The following CNTNAP5 variants were observed in gnomAD, a reference collection of about 807,000 sequenced individuals.
CNTNAP5 encodes the protein contactin associated protein family member 5, also known as contactin-associated protein-like 5.
Under a neutral mutation model 150.2 loss-of-function variants are expected in CNTNAP5, and 72 were observed. The ratio of observed to expected loss-of-function variants is 0.48; its 90% confidence interval spans 0.40 to 0.58. The LOEUF (loss-of-function observed/expected upper bound fraction) is 0.58. CNTNAP5 is among the 20% of genes least tolerant of loss of function. The pLI is 0.00. For missense variants in CNTNAP5, 1,636 were observed against 1,626.2 expected (o/e 1.01, Z -0.10); for synonymous variants, 672 against 619.8 (o/e 1.08, Z -1.25).
intron 1 of CNTNAP5, among the ~76,000 whole-genome samples, chr2:124,035,984 G>T (rs1414181778): frequency 7.1e-6 from 1 of 141,018 alleles, no homozygotes; most frequent in African/African-American, 2.7e-5. Flanking sequence ...GACTGCAGTG[G>T]CGCAATCTCG....
Position 124,165,065 on chromosome 2 carries a change from A to G in CNTNAP5, c.83-56640A>G, listed in dbSNP as rs1002407855. Among the ~76,000 whole-genome samples, 11 of 152,164 alleles carry G rather than the reference A, an allele frequency of 7.2e-5. 1 individual carries two copies. The highest frequency in any genetic ancestry group is 6.5e-4 in the Admixed American group (10 of 15,270). ...TGACTTAATGTCTGTGTACATGTGG[A>G]TAAAGAGCTTGATCTCAACTGTGAA... On this transcript the variant is annotated intron_variant, in intron 1 of 23. Coordinates refer to ENST00000682447, the MANE Select transcript of CNTNAP5 (RefSeq NM_001367498.1).
chr2:124,140,338 G>A (rs936050000), intron 1 of CNTNAP5, among the ~76,000 whole-genome samples: 16 of 151,852 alleles, frequency 1.1e-4, no homozygotes, highest in Admixed American at 2.6e-4. Flanking sequence ...TGGGGGCAGG[G>A]CACAGTCAAA....
chr2:124,446,445 A>T (rs545693541), intron 5 of CNTNAP5, among the ~76,000 whole-genome samples: 1 of 152,218 alleles, frequency 6.6e-6, no homozygotes, highest in South Asian at 2.1e-4. Context: ...TCTTTCTAAA[A>T]ACAAAATCCC....
At chr2:124,614,837 G>T (rs1164308598) in intron 12 of CNTNAP5, among the ~76,000 whole-genome samples, 1 of 152,072 alleles carries the variant, frequency 6.6e-6, no homozygotes, top group Non-Finnish European at 1.5e-5. Flanking sequence ...ACCTCCTGAG[G>T]ATGCAGCCCA....
chr2:124,716,002 A>T (rs1905207), intron 13 of CNTNAP5, among the ~76,000 whole-genome samples: 24,730 of 152,154 alleles, frequency 0.16, 2,277 homozygotes, highest in East Asian at 0.24. Context: ...CTACTGAGGT[A>T]TATGTTTACA....
chr2:124,263,090 A>C (rs1296567244), intron 3 of CNTNAP5, among the ~76,000 whole-genome samples: 1 of 152,232 alleles, frequency 6.6e-6, no homozygotes, highest in East Asian at 1.9e-4. Flanking sequence ...TGCTATTGTG[A>C]ATAGTGCCAC....
intron 1 of CNTNAP5, among the ~76,000 whole-genome samples, chr2:124,074,492 A>G (rs960840345): frequency 4.6e-5 from 7 of 151,948 alleles, no homozygotes; most frequent in Admixed American, 2.6e-4. Flanking sequence ...CACAAAAATT[A>G]AAAAACCATT....
intron 10 of CNTNAP5, among the ~76,000 whole-genome samples, chr2:124,543,310 T>TA (rs35714087): frequency 8.6e-4 from 129 of 149,638 alleles, no homozygotes; most frequent in Middle Eastern, 3.4e-3. Flanking sequence ...TCTTGTGCCT[T>TA]AAAAAAAAAA....
chr2:124,493,244 C>T (rs1694071803), intron 7 of CNTNAP5, among the ~76,000 whole-genome samples: 1 of 151,890 alleles, frequency 6.6e-6, no homozygotes, highest in Non-Finnish European at 1.5e-5. Flanking sequence ...AGATTTTTAT[C>T]CTTAATTCCT....
intron 1 of CNTNAP5, among the ~76,000 whole-genome samples, chr2:124,101,307 T>G: frequency 6.6e-6 from 1 of 152,212 alleles, no homozygotes; most frequent in East Asian, 1.9e-4. Context: ...TTCTGCAAGT[T>G]TGTCTTCTGC....
At position 124,593,908 on chromosome 2, in the gene CNTNAP5, G is replaced by A. The variant is rs1238003515; in HGVS notation, c.1757-15893G>A. On this transcript the variant is annotated intron_variant, in intron 11 of 23. Coordinates refer to ENST00000682447, the MANE Select transcript of CNTNAP5 (RefSeq NM_001367498.1). ...CCAGTGATGATGAGCATTTTTTCAT[G>A]TGTTTTTTGGCTGCATAAATGTCTT... Among the ~76,000 whole-genome samples the A allele has an allele frequency of 2.4e-5, 2 of 83,232 alleles. 1 individual carries two copies. The highest frequency in any genetic ancestry group is 4.7e-5 in the Non-Finnish European group (2 of 42,560). 54.6% of individuals were successfully genotyped at this position (83,232 alleles called of 152,430 possible).
intron 11 of CNTNAP5, among the ~76,000 whole-genome samples, chr2:124,576,962 G>A (rs1404692874): frequency 1.3e-5 from 2 of 152,166 alleles, no homozygotes; most frequent in Non-Finnish European, 1.5e-5. Context: ...TGATTTCTAT[G>A]TTTGGAAGGG....
intron 1 of CNTNAP5, among the ~76,000 whole-genome samples, chr2:124,157,795 C>T (rs956562219): frequency 1.3e-5 from 2 of 152,158 alleles, no homozygotes; most frequent in African/African-American, 2.4e-5. Context: ...TTCCACCCAA[C>T]TGTGTGCTCA....
intron 1 of CNTNAP5, among the ~76,000 whole-genome samples, chr2:124,155,977 G>A (rs78620234): frequency 0.014 from 2,172 of 152,316 alleles, 24 homozygotes; most frequent in African/African-American, 0.029. Flanking sequence ...GATAATGTGC[G>A]TGGCCAGCCA....
intron 7 of CNTNAP5, among the ~76,000 whole-genome samples, chr2:124,491,807 C>T (rs1338950024): frequency 6.6e-6 from 1 of 151,516 alleles, no homozygotes; most frequent in Non-Finnish European, 1.5e-5. Flanking sequence ...GAGATGGTAC[C>T]TATTGTGGTT....
At chr2:124,881,748 T>A (rs897386987) in intron 21 of CNTNAP5, among the ~76,000 whole-genome samples, 4 of 152,088 alleles carry the variant, frequency 2.6e-5, no homozygotes, top group Non-Finnish European at 1.5e-5. Context: ...TTCTTATCTG[T>A]GTATGTAGCT....
chr2:124,417,700 C>A, intron 4 of CNTNAP5, 110 bp downstream of exon 4: 1 of 1,117,450 alleles, frequency 8.9e-7, no homozygotes, highest in Non-Finnish European at 1.3e-6. Context: ...AAAGTTGTTT[C>A]TAGACTTTCA....
chr2:124,734,123 T>C (rs915583156), intron 13 of CNTNAP5, among the ~76,000 whole-genome samples: 17 of 152,060 alleles, frequency 1.1e-4, no homozygotes, highest in African/African-American at 4.1e-4. Context: ...GGCATTTGTG[T>C]ATAAGCAATA....
intron 3 of CNTNAP5, among the ~76,000 whole-genome samples, chr2:124,290,562 C>A (rs889322934): frequency 6.6e-6 from 1 of 152,222 alleles, no homozygotes; most frequent in Non-Finnish European, 1.5e-5. Flanking sequence ...GGTCACAAGT[C>A]TTCACCTTTG....
Sources: allele counts gnomAD v4.1 joint callset (sites outside exome capture counted in the v4.1 genomes callset), GRCh38; gene constraint gnomAD v4.1.1; transcripts MANE v1.5; gene names NCBI Gene and HGNC (gene_info 2026-07-23, HGNC 2026-07-21).